SSH2: variants seen among roughly 807,000 people sequenced by gnomAD.
SSH2 encodes the protein protein phosphatase Slingshot homolog 2.
A neutral mutation model predicts 135.2 loss-of-function variants in SSH2; 37 were observed. The ratio of observed to expected loss-of-function variants is 0.27; its 90% CI spans 0.21 to 0.36. The LOEUF is 0.36. Ranked by LOEUF, SSH2 falls within the 10% of genes least tolerant of loss-of-function variation. The probability of loss-of-function intolerance (pLI) is 1.00; values close to 1 mark genes in which losing one functional copy is unlikely to be tolerated. For synonymous variants in SSH2, 628 were observed against 646.2 expected (o/e 0.97, Z 0.43); for missense variants, 1,408 against 1,765.3 (o/e 0.80, Z 3.63).
chr17:29,876,705 T>TA (rs1567625319), intron 1 of SSH2, among the ~76,000 whole-genome samples: 2 of 152,102 alleles, frequency 1.3e-5, no homozygotes, highest in African/African-American at 4.8e-5. Flanking sequence ...TCTCACCACA[T>TA]AAAAAATCAA....
intron 3 of SSH2, among the ~76,000 whole-genome samples, chr17:29,773,789 T>C (rs1055376246): frequency 1.3e-5 from 2 of 152,220 alleles, no homozygotes; most frequent in Non-Finnish European, 2.9e-5. Context: ...GCAATTCTCC[T>C]GTCTCAGCCT....
chr17:29,748,515 C>T (rs1340241846), intron 3 of SSH2, among the ~76,000 whole-genome samples: 1 of 151,862 alleles, frequency 6.6e-6, no homozygotes, highest in Admixed American at 6.6e-5. Context: ...TCTTTATCCA[C>T]CAAAAAGAGA....
intron 13 of SSH2, among the ~76,000 whole-genome samples, chr17:29,649,811 C>CTTTT (rs1163254159): frequency 6.6e-6 from 1 of 152,132 alleles, no homozygotes; most frequent in African/African-American, 2.4e-5. Flanking sequence ...ATAAAACACT[C>CTTTT]TTTTAGGTAC....
intron 8 of SSH2, chr17:29,674,019 T>A: frequency 2.2e-6 from 1 of 452,840 alleles, no homozygotes; most frequent in South Asian, 1.6e-5. Flanking sequence ...TTAGAGTAAA[T>A]CCATAGAAAT....
intron 3 of SSH2, chr17:29,761,360 GGCGGAGGCGGGCCC>G: frequency 9.3e-7 from 1 of 1,074,210 alleles, no homozygotes; most frequent in Non-Finnish European, 1.1e-6. Flanking sequence ...TGCACCCGGC[GGCGGAGGCGGGCCC>G]GCCGGGTCGC....
At chr17:29,634,869 T>C (rs2150966870) in intron 15 of SSH2, among the ~76,000 whole-genome samples, 1 of 150,622 alleles carries the variant, frequency 6.6e-6, no homozygotes, top group East Asian at 2.0e-4. Context: ...GATTCTTGAG[T>C]ACCACAGCAT....
chr17:29,802,618 C>CAAAAAAAAAAAAAAA (rs74267073), intron 2 of SSH2, among the ~76,000 whole-genome samples: 166 of 56,518 alleles, frequency 2.9e-3, no homozygotes, highest in East Asian at 4.5e-3. Context: ...ACTGTTTCTA[C>CAAAAAAAAAAAAAAA]AAAAAAAAAA....
intron 3 of SSH2, among the ~76,000 whole-genome samples, chr17:29,759,772 T>C (rs897640290): frequency 6.6e-6 from 1 of 152,238 alleles, no homozygotes; most frequent in Non-Finnish European, 1.5e-5. Flanking sequence ...GGCTAAATAA[T>C]ATTCTACTAT....
At chr17:29,734,021 C>T (rs531596732) in intron 3 of SSH2, among the ~76,000 whole-genome samples, 1 of 150,964 alleles carries the variant, frequency 6.6e-6, no homozygotes, top group African/African-American at 2.4e-5. Context: ...TGGGTTCAAG[C>T]GATTCTCCTG....
intron 2 of SSH2, among the ~76,000 whole-genome samples, chr17:29,807,832 C>CTTTTTTT (rs58284055): frequency 1.1e-5 from 1 of 94,390 alleles, no homozygotes; most frequent in Non-Finnish European, 2.0e-5. Context: ...GTTTTGATGG[C>CTTTTTTT]TTTTTTTTTT....
intron 3 of SSH2, among the ~76,000 whole-genome samples, chr17:29,761,990 C>G (rs1460375124): frequency 6.6e-6 from 1 of 151,812 alleles, no homozygotes; most frequent in Non-Finnish European, 1.5e-5. Flanking sequence ...AAGCGATTCT[C>G]CAGCCTCAGC....
At chr17:29,877,227 T>C (rs1245883202) in intron 1 of SSH2, among the ~76,000 whole-genome samples, 3 of 152,098 alleles carry the variant, frequency 2.0e-5, no homozygotes, top group Non-Finnish European at 4.4e-5. Context: ...CAATAATGAA[T>C]GCTGGTGAGG....
At chr17:29,762,835 G>A (rs903104465) in intron 3 of SSH2, among the ~76,000 whole-genome samples, 4 of 152,000 alleles carry the variant, frequency 2.6e-5, no homozygotes, top group Admixed American at 2.6e-4. Flanking sequence ...AATATTTTCA[G>A]GTATCAGCAT....
intron 2 of SSH2, among the ~76,000 whole-genome samples, chr17:29,820,555 T>A (rs962865885): frequency 6.6e-6 from 1 of 152,208 alleles, no homozygotes; most frequent in African/African-American, 2.4e-5. Context: ...CTACTTCTGG[T>A]GTTGGTAATG....
At chr17:29,682,085 A>G (rs2038011371) in intron 6 of SSH2, among the ~76,000 whole-genome samples, 1 of 152,254 alleles carries the variant, frequency 6.6e-6, no homozygotes, top group Non-Finnish European at 1.5e-5. Context: ...AGATAGATGT[A>G]ATTTACTGAG....
At chr17:29,717,351 G>A (rs143978389) in intron 3 of SSH2, among the ~76,000 whole-genome samples, 6 of 152,266 alleles carry the variant, frequency 3.9e-5, no homozygotes, top group African/African-American at 4.8e-5. Context: ...GCCCAAGCTG[G>A]TCTAGAACTT....
chr17:29,635,537 T>C (rs553013739), intron 15 of SSH2, among the ~76,000 whole-genome samples: 1 of 118,032 alleles, frequency 8.5e-6, no homozygotes, highest in Non-Finnish European at 1.7e-5. Flanking sequence ...CCCGAGTAGC[T>C]GGGACTACAG....
chr17:29,657,474 G>C (rs777255592), intron 11 of SSH2, among the ~76,000 whole-genome samples: 1 of 149,502 alleles, frequency 6.7e-6, no homozygotes, highest in South Asian at 2.1e-4. Context: ...TCACCATGTT[G>C]GTCAGGCTGG....
intron 1 of SSH2, among the ~76,000 whole-genome samples, chr17:29,908,895 G>A (rs772319765): frequency 2.3e-4 from 35 of 151,562 alleles, no homozygotes; most frequent in South Asian, 4.2e-4. Flanking sequence ...TGGCTAACAC[G>A]GTGAAACCCC....
Sources: gnomAD v4.1 joint callset for allele counts (sites outside exome capture counted in the v4.1 genomes callset) on GRCh38, gnomAD v4.1.1 for gene constraint, MANE v1.5 for transcripts, NCBI Gene and HGNC (gene_info 2026-07-23, HGNC 2026-07-21) for gene names.